LRMDA: variants seen among roughly 807,000 people sequenced by gnomAD.
LRMDA encodes leucine rich melanocyte differentiation associated.
LRMDA carries 18 observed loss-of-function variants against 29.8 expected under a neutral mutation model. The observed-to-expected ratio is 0.60, with a 90% CI of 0.42 to 0.90. LRMDA has a LOEUF of 0.90. LRMDA is among the 40% of genes least tolerant of loss of function. The pLI, the probability that LRMDA is intolerant of heterozygous loss-of-function variation, is 0.00. For missense variants in LRMDA, 273 were observed against 273.9 expected, an observed-to-expected ratio of 1.00 and a Z score of 0.02; for synonymous variants, 125 against 109.4, an observed-to-expected ratio of 1.14 and a Z score of -0.89.
chr10:76,392,054 C>T lies in LRMDA; in HGVS notation c.601+67569C>T, dbSNP rs139357902. 1.0e-3 allele frequency among the ~76,000 whole-genome samples: 158 copies of T among 152,226 alleles called. 5 individuals carry two copies. The East Asian group carries it at 0.03, about 29-fold the overall frequency. ...CTGACAAGCTGAGCAGTAGTTTTGA[C>T]AGAGCTAAATAAGGAGAAAAGCCAA... On this transcript the variant is annotated intron_variant, in intron 6 of 6. Transcript: ENST00000611255.
intron 2 of LRMDA, among the ~76,000 whole-genome samples, chr10:75,457,323 C>T (rs1338092970): frequency 6.6e-6 from 1 of 152,188 alleles, no homozygotes; most frequent in Non-Finnish European, 1.5e-5. Context: ...TATAGGTTGA[C>T]TGAGAAGAGG....
chr10:75,806,283 A>G (rs1265561826), intron 2 of LRMDA, among the ~76,000 whole-genome samples: 1 of 152,200 alleles, frequency 6.6e-6, no homozygotes, highest in African/African-American at 2.4e-5. Context: ...TATCCAAACT[A>G]TATCAAGGGC....
chr10:76,429,041 A>ACACACACAAAC (rs1554820441), intron 6 of LRMDA, among the ~76,000 whole-genome samples: 28 of 64,034 alleles, frequency 4.4e-4, no homozygotes, highest in Admixed American at 1.9e-3. Flanking sequence ...CACACACACA[A>ACACACACAAAC]ACACACACAC....
chr10:75,490,886 G>A (rs1844979024), intron 2 of LRMDA, among the ~76,000 whole-genome samples: 1 of 152,152 alleles, frequency 6.6e-6, no homozygotes, highest in Non-Finnish European at 1.5e-5. Context: ...GTGGGTTTAG[G>A]TCACACTGGC....
At chr10:75,917,961 GCA>G (rs10552979) in intron 2 of LRMDA, among the ~76,000 whole-genome samples, 73,049 of 149,720 alleles carry the variant, frequency 0.49, 19,623 homozygotes, top group East Asian at 0.89. Flanking sequence ...GCACATGTGC[GCA>G]CACACACACA....
chr10:76,551,137 G>A (rs1309187237), intron 6 of LRMDA, among the ~76,000 whole-genome samples: 2 of 152,228 alleles, frequency 1.3e-5, no homozygotes, highest in African/African-American at 4.8e-5. Flanking sequence ...TAGGCCAGAT[G>A]ATAATGTTCA....
intron 2 of LRMDA, among the ~76,000 whole-genome samples, chr10:75,833,339 C>G (rs1844378802): frequency 6.6e-6 from 1 of 152,066 alleles, no homozygotes; most frequent in South Asian, 2.1e-4. Context: ...ATGTCTCTGC[C>G]TATTAGGGTG....
intron 2 of LRMDA, among the ~76,000 whole-genome samples, chr10:75,950,776 G>A (rs768759985): frequency 2.8e-4 from 43 of 152,338 alleles, no homozygotes; most frequent in South Asian, 6.2e-4. Flanking sequence ...TCTGCACACA[G>A]TGATCACTCA....
chr10:75,754,002 G>A (rs1278422459), intron 2 of LRMDA, among the ~76,000 whole-genome samples: 1 of 152,206 alleles, frequency 6.6e-6, no homozygotes, highest in African/African-American at 2.4e-5. Context: ...GGTGAATTAC[G>A]GCTATGGGAA....
intron 3 of LRMDA, among the ~76,000 whole-genome samples, chr10:76,039,250 C>A (rs1349777522): frequency 1.3e-5 from 2 of 152,216 alleles, no homozygotes. Context: ...GAGACCTTGG[C>A]ATTGGCATCT....
At chr10:76,063,716 T>C (rs1482660559) in intron 5 of LRMDA, among the ~76,000 whole-genome samples, 1 of 152,150 alleles carries the variant, frequency 6.6e-6, no homozygotes, top group Admixed American at 6.5e-5. Context: ...TGGAAACTAT[T>C]TGGGCCTGAG....
intron 2 of LRMDA, among the ~76,000 whole-genome samples, chr10:75,895,904 G>A (rs1845573120): frequency 6.6e-6 from 1 of 152,206 alleles, no homozygotes; most frequent in African/African-American, 2.4e-5. Context: ...AGATTTGTTG[G>A]TTTTGGAATC....
At chr10:76,005,915 C>G (rs571537324) in intron 2 of LRMDA, among the ~76,000 whole-genome samples, 1 of 146,074 alleles carries the variant, frequency 6.8e-6, no homozygotes, top group African/African-American at 2.6e-5. Context: ...GGGTGCAGTG[C>G]GAGACTCCAT....
intron 2 of LRMDA, among the ~76,000 whole-genome samples, chr10:75,591,410 G>C (rs1387270158): frequency 1.3e-5 from 2 of 152,222 alleles, no homozygotes; most frequent in Non-Finnish European, 2.9e-5. Context: ...TGTACCCCAA[G>C]TGACTGATGT....
chr10:75,934,378 G>T (rs183876436), intron 2 of LRMDA, among the ~76,000 whole-genome samples: 1 of 152,082 alleles, frequency 6.6e-6, no homozygotes, highest in African/African-American at 2.4e-5. Context: ...TTTGCCTTGG[G>T]TGTCTTTATG....
intron 2 of LRMDA, among the ~76,000 whole-genome samples, chr10:75,896,460 T>C (rs749371092): frequency 2.0e-5 from 3 of 152,218 alleles, no homozygotes; most frequent in Non-Finnish European, 4.4e-5. Context: ...CTTCATTGCC[T>C]CTTGCCTCTG....
chr10:75,893,169 C>G (rs1845523323), intron 2 of LRMDA, among the ~76,000 whole-genome samples: 1 of 152,108 alleles, frequency 6.6e-6, no homozygotes, highest in African/African-American at 2.4e-5. Flanking sequence ...CCTGGTGATG[C>G]AAACAGTCTT....
At chr10:75,578,191 T>C (rs1840532621) in intron 2 of LRMDA, among the ~76,000 whole-genome samples, 1 of 65,576 alleles carries the variant, frequency 1.5e-5, no homozygotes. Context: ...GGGATGGAGG[T>C]ATATTTACCA....
intron 6 of LRMDA, among the ~76,000 whole-genome samples, chr10:76,388,520 T>G (rs1309628309): frequency 1.3e-5 from 2 of 152,222 alleles, no homozygotes; most frequent in African/African-American, 4.8e-5. Context: ...GTGGCCTGGC[T>G]TGCTTGTGGT....
Sources: allele counts gnomAD v4.1 joint callset (sites outside exome capture counted in the v4.1 genomes callset), GRCh38; gene constraint gnomAD v4.1.1; transcripts MANE v1.5; gene names NCBI Gene and HGNC (gene_info 2026-07-23, HGNC 2026-07-21).